Variants in SLC35A3 observed in about 807,000 individuals in gnomAD.
SLC35A3 encodes the protein UDP-N-acetylglucosamine transporter.
Under a neutral mutation model 39.0 loss-of-function variants are expected in SLC35A3, and 26 were observed. That is an observed-to-expected ratio of 0.67 (90% CI 0.49 to 0.92). The LOEUF is 0.92. SLC35A3 is among the 40% of genes least tolerant of loss of function. The pLI, the probability that SLC35A3 is intolerant of heterozygous loss-of-function variation, is 0.00. For synonymous variants in SLC35A3, 135 were observed against 133.1 expected (o/e 1.01, Z -0.10); for missense variants, 299 against 371.6 (o/e 0.80, Z 1.61).
At position 100,024,788 on chromosome 1, in the gene SLC35A3, T is replaced by C. The variant is rs1660809118; in HGVS notation, c.*2312T>C. The C allele has an allele frequency of 5.1e-6, 2 of 395,512 alleles. No individual in the cohort carries two copies. Among genetic ancestry groups the C allele is most frequent in the Admixed American group, 8.8e-5 (2 of 22,600 alleles). 24.5% of individuals were successfully genotyped at this position (395,512 alleles called of 1,614,324 possible). A position where few individuals can be genotyped will look rare whatever the true frequency, so the allele number is the denominator to read the frequency against. On this transcript the variant is annotated 3_prime_UTR_variant, in exon 8 of 8. Coordinates refer to ENST00000533028, the MANE Select transcript of SLC35A3 (RefSeq NM_012243.3). ...GTGAGCCACTGCGCCCGGCCTATAC[T>C]GTATATATTTTTAAAGACTGTTCTA...
In SLC35A3 at chr1:100,017,664, AT is replaced by A. The variant is rs781289331; in HGVS notation, c.754-11del. 6 of 1,476,050 alleles carry A rather than the reference AT, an allele frequency of 4.1e-6. No homozygotes were observed. The highest frequency in any genetic ancestry group is 4.0e-5 in the South Asian group (3 of 75,140). 91.4% of individuals were successfully genotyped at this position (1,476,050 alleles called of 1,614,324 possible). On this transcript the variant is annotated splice_polypyrimidine_tract_variant and intron_variant, in intron 6 of 7. Transcript: ENST00000533028. ...GTTTTACATGTGTGTTTTAAAAAAT[AT>A]TTTTTTAAAACTTCAGGCACTTGGA... is the stretch of plus-strand genomic sequence containing the variant.
rs1359571998 is a variant in SLC35A3 at position 100,031,135 on chromosome 1, A to G, written c.*8659A>G. The G allele has an allele frequency of 3.3e-5, 5 of 152,276 alleles. No homozygotes were observed. Among genetic ancestry groups the G allele is most frequent in the East Asian group, 1.9e-4 (1 of 5,184 alleles). The allele number at this position is 152,276 out of a possible 1,614,324, so 9.4% of individuals were successfully genotyped here. The stretch of plus-strand genomic sequence containing the variant: ...TAATATTGCCATTTTAATGGCTTCA[A>G]TCATGCTATGACAGATTGTGCCAAT... On this transcript the variant is annotated 3_prime_UTR_variant, in exon 8 of 8. Coordinates refer to ENST00000533028, the MANE Select transcript of SLC35A3 (RefSeq NM_012243.3).
intron 1 of SLC35A3, among the ~76,000 whole-genome samples, chr1:99,980,825 T>C (rs985236127): frequency 4.6e-5 from 7 of 152,196 alleles, no homozygotes; most frequent in African/African-American, 1.4e-4. Flanking sequence ...GTTTCTATCA[T>C]AAAAATTGAG....
At chr1:99,988,103 A>G (rs1326003246) in intron 1 of SLC35A3, among the ~76,000 whole-genome samples, 1 of 152,212 alleles carries the variant, frequency 6.6e-6, no homozygotes, top group Non-Finnish European at 1.5e-5. Flanking sequence ...ATTCTGATAA[A>G]TAAATTCAAT....
At chr1:100,010,128 C>G (rs1002988960) in intron 4 of SLC35A3, among the ~76,000 whole-genome samples, 1 of 152,102 alleles carries the variant, frequency 6.6e-6, no homozygotes, top group Non-Finnish European at 1.5e-5. Flanking sequence ...TTAAATATAG[C>G]GATGACCCTA....
intron 5 of SLC35A3, among the ~76,000 whole-genome samples, chr1:100,012,242 G>T (rs113530791): frequency 6.6e-6 from 1 of 151,886 alleles, no homozygotes; most frequent in Admixed American, 6.6e-5. Context: ...CAAGAATAAA[G>T]TGTCTTACAT....
At position 100,007,066 on chromosome 1, in the gene SLC35A3, A is replaced by T. The variant is rs773812783; in HGVS notation, c.375A>T (p.Ala125=). 89 of 1,609,312 alleles carry T rather than the reference A, an allele frequency of 5.5e-5. No homozygotes were observed. The highest frequency in any genetic ancestry group is 7.0e-5 in the Non-Finnish European group (83 of 1,178,588). ...ATCAGTTAAAAATTCTTACAACAGC[A>T]TTATTTTCTGTGTCTATGCTTAGTA... The part of the protein sequence containing the change: ...VTYQLKILTT[A]LFSVSMLSKK... The change falls in exon 4 of 8, where the codon GCA becomes GCT. Residue 125 remains alanine (A), a synonymous_variant. Transcript: ENST00000533028.
chr1:99,989,827 A>G (rs1657969954), intron 1 of SLC35A3, among the ~76,000 whole-genome samples: 1 of 151,742 alleles, frequency 6.6e-6, no homozygotes, highest in Non-Finnish European at 1.5e-5. Context: ...GTGTGGTGGC[A>G]TGAACATGGC....
At chr1:100,019,241 C>G (rs1395213066) in intron 7 of SLC35A3, among the ~76,000 whole-genome samples, 1 of 149,474 alleles carries the variant, frequency 6.7e-6, no homozygotes, top group Non-Finnish European at 1.5e-5. Flanking sequence ...AATAAATGAA[C>G]AAGCAAACCA....
chr1:100,002,547 ATTC>A (rs1252052776), intron 3 of SLC35A3, among the ~76,000 whole-genome samples: 3 of 151,966 alleles, frequency 2.0e-5, no homozygotes, highest in Non-Finnish European at 2.9e-5. Context: ...CATGAAACCA[ATTC>A]TTCTTTTATT....
Position 100,017,808 on chromosome 1 carries a change from C to A in SLC35A3, c.880C>A (p.Pro294Thr). The A allele has an allele frequency of 6.4e-7, 1 of 1,555,102 alleles. No homozygotes were observed. The highest frequency in any genetic ancestry group is 1.2e-5 in the South Asian group (1 of 80,672). The change falls in exon 7 of 8, where the codon CCA becomes ACA. Residue 294 changes from proline (P) to threonine (T), a missense_variant. Coordinates refer to ENST00000533028, the MANE Select transcript of SLC35A3 (RefSeq NM_012243.3). ...ISYFWLQDFV[P>T]TSVFFLGAIL... is the part of the protein sequence containing the mutation. ...CTATTTTTGGCTTCAAGATTTTGTG[C>A]CAACCAGGTAAAATGTTCTTTTCTA...
chr1:100,019,891 T>C (rs1236833061), intron 7 of SLC35A3, among the ~76,000 whole-genome samples: 10 of 152,188 alleles, frequency 6.6e-5, no homozygotes, highest in Non-Finnish European at 1.2e-4. Flanking sequence ...TTTCTTGTGC[T>C]TGTTATTTTG....
At chr1:99,981,836 G>A (rs61811159) in intron 1 of SLC35A3, among the ~76,000 whole-genome samples, 1 of 151,924 alleles carries the variant, frequency 6.6e-6, no homozygotes, top group Non-Finnish European at 1.5e-5. Flanking sequence ...AGTTTTTTAG[G>A]ACTTTTAGTG....
chr1:99,982,264 G>GT (rs1342974437), intron 1 of SLC35A3, among the ~76,000 whole-genome samples: 1 of 152,034 alleles, frequency 6.6e-6, no homozygotes, highest in East Asian at 1.9e-4. Context: ...GCCTCCCAAA[G>GT]TGCTGGGATT....
chr1:100,027,089 G>A lies in SLC35A3; in HGVS notation c.*4613G>A, dbSNP rs952730068. ...AATGAATTACTGATCTTTTTCTCTG[G>A]CTCTGTAGTATCTCTATCACTGTCA... On this transcript the variant is annotated 3_prime_UTR_variant, in exon 8 of 8. Transcript: ENST00000533028. 10 of 397,646 alleles carry A rather than the reference G, an allele frequency of 2.5e-5. No individual in the cohort carries two copies. Among genetic ancestry groups the A allele is most frequent in the Non-Finnish European group, 4.0e-5 (9 of 225,880 alleles). The allele number at this position is 397,646 out of a possible 1,614,324, so 24.6% of individuals were successfully genotyped here.
At chr1:100,005,188 C>T (rs35807256) in intron 3 of SLC35A3, among the ~76,000 whole-genome samples, 1 of 152,154 alleles carries the variant, frequency 6.6e-6, no homozygotes, top group Admixed American at 6.5e-5. Flanking sequence ...AAACCTGCTG[C>T]TAAGACTGAT....
At position 100,026,124 on chromosome 1, in the gene SLC35A3, T is replaced by A. The variant is rs1330852131; in HGVS notation, c.*3648T>A. On this transcript the variant is annotated 3_prime_UTR_variant, in exon 8 of 8. Coordinates refer to ENST00000533028, the MANE Select transcript of SLC35A3 (RefSeq NM_012243.3). Reference sequence around the variant, plus strand: ...ATATAATCTGAAAGGAAACTAATTATGTTCTCTACACTTACTGTAATACTG... The same window carrying A: ...ATATAATCTGAAAGGAAACTAATTAAGTTCTCTACACTTACTGTAATACTG... 1 of 152,192 alleles carries A rather than the reference T, an allele frequency of 6.6e-6. No homozygotes were observed. Among genetic ancestry groups the A allele is most frequent in the African/African-American group, 2.4e-5 (1 of 41,460 alleles). 9.4% of individuals were successfully genotyped at this position (152,192 alleles called of 1,614,324 possible).
chr1:100,002,782 A>T (rs1051450855), intron 3 of SLC35A3, among the ~76,000 whole-genome samples: 1 of 145,580 alleles, frequency 6.9e-6, no homozygotes, highest in East Asian at 2.0e-4. Flanking sequence ...ATGCCGGTTA[A>T]TTTTTTTTTT....
At chr1:100,017,420 T>A (rs1318643868) in intron 6 of SLC35A3, among the ~76,000 whole-genome samples, 2 of 152,236 alleles carry the variant, frequency 1.3e-5, no homozygotes, top group Non-Finnish European at 2.9e-5. Flanking sequence ...GATAGACATT[T>A]TATTTGTAAT....
Sources: allele counts gnomAD v4.1 joint callset (sites outside exome capture counted in the v4.1 genomes callset), GRCh38; gene constraint gnomAD v4.1.1; transcripts MANE v1.5; gene names NCBI Gene and HGNC (gene_info 2026-07-23, HGNC 2026-07-21).